The following SYNE2 variants were observed in gnomAD, a reference collection of about 807,000 sequenced individuals.
SYNE2 encodes the protein nesprin-2.
SYNE2 carries 431 observed loss-of-function variants against 856.3 expected under a neutral mutation model. The observed-to-expected ratio is 0.50, with a 90% CI of 0.47 to 0.55. The LOEUF is 0.55. Among genes scored for constraint, SYNE2 ranks in the 20% least tolerant of loss-of-function variants. The pLI is 0.00. For synonymous variants in SYNE2, 2,923 were observed against 2,872.3 expected (o/e 1.02, Z -0.56); for missense variants, 8,129 against 8,023.2 (o/e 1.01, Z -0.50).
intron 79 of SYNE2, among the ~76,000 whole-genome samples, chr14:64,138,936 G>GTGTGTGTA (rs1162982978): frequency 7.0e-6 from 1 of 142,890 alleles, no homozygotes; most frequent in African/African-American, 2.9e-5. Context: ...GTGTGTGTGT[G>GTGTGTGTA]TGTATGTATG....
At chr14:63,951,508 G>A (rs1181743290) in intron 7 of SYNE2, among the ~76,000 whole-genome samples, 1 of 152,066 alleles carries the variant, frequency 6.6e-6, no homozygotes. Flanking sequence ...CATCAGGTTG[G>A]CCCAGGCTGG....
In SYNE2 at chr14:64,218,417, C is replaced by T. The variant is rs997696708; in HGVS notation, c.19562C>T (p.Pro6521Leu). 3 of 1,614,050 alleles carry T rather than the reference C, an allele frequency of 1.9e-6. No homozygotes were observed. The highest frequency in any genetic ancestry group is 2.5e-6 in the Non-Finnish European group (3 of 1,179,996). ...KPPYGKLLLPPGTDGGKEGPR... is the reference protein window; with the variant it reads ...KPPYGKLLLPLGTDGGKEGPR... The stretch of plus-strand genomic sequence containing the variant: ...TTCTAGGGAAAGCTACTATTACCTC[C>T]AGGCACGGATGGTGGCAAAGAAGGC... Residue 6521 changes from proline to leucine, a missense_variant, in exon 109 of 116, where the codon CCA (proline) becomes CTA (leucine). Coordinates refer to ENST00000555002, the MANE Select transcript of SYNE2 (RefSeq NM_182914.3).
intron 1 of SYNE2, among the ~76,000 whole-genome samples, chr14:63,865,720 C>CCG (rs1342911063): frequency 4.3e-5 from 5 of 116,512 alleles, no homozygotes; most frequent in African/African-American, 1.4e-4. Context: ...ACCCACCCCC[C>CCG]CCCCAAAAAA....
At chr14:64,081,622 A>G (rs759246269) in intron 57 of SYNE2, 42 bp downstream of exon 57, 6 of 1,609,444 alleles carry the variant, frequency 3.7e-6, no homozygotes, top group Admixed American at 1.7e-5. Flanking sequence ...TAGCATCTAC[A>G]TAAAGATTCG....
chr14:64,089,065 T>C (rs1387156500), intron 58 of SYNE2, among the ~76,000 whole-genome samples: 1 of 152,132 alleles, frequency 6.6e-6, no homozygotes, highest in African/African-American at 2.4e-5. Context: ...CATTTTCTTA[T>C]AAAGTTTTGT....
chr14:64,177,280 A>C (rs2153733383), intron 95 of SYNE2, 78 bp from the exon 96 acceptor site: 1 of 1,553,392 alleles, frequency 6.4e-7, no homozygotes. Context: ...GATTATGTGG[A>C]TTAAATGAGC....
chr14:64,182,790 A>G (rs1024501445), intron 96 of SYNE2, among the ~76,000 whole-genome samples: 4 of 152,234 alleles, frequency 2.6e-5, no homozygotes, highest in Non-Finnish European at 5.9e-5. Context: ...ACTTCTTTCT[A>G]CACAGACACA....
intron 85 of SYNE2, among the ~76,000 whole-genome samples, chr14:64,154,792 C>CAAAAAAAAAAAA (rs34020154): frequency 1.1e-5 from 1 of 91,118 alleles, no homozygotes; most frequent in African/African-American, 4.1e-5. Flanking sequence ...GACCCTGTCT[C>CAAAAAAAAAAAA]AAAAAAAAAA....
chr14:64,038,624 G>C lies in SYNE2; in HGVS notation c.7221+7267G>C, dbSNP rs528929339. ...GGAGGCCGAGGCTGGTGGATCACTC[G>C]GCGGTTAGGAGCTGGAGACCAGCCC... On this transcript the variant is annotated intron_variant, in intron 45 of 115. Transcript: ENST00000555002. Among the ~76,000 whole-genome samples, 4 of 152,234 alleles carry C rather than the reference G, an allele frequency of 2.6e-5. No homozygotes were observed. The South Asian group carries it at 8.3e-4, about 31-fold the overall frequency.
At chr14:64,101,882 G>A (rs756616568) in intron 63 of SYNE2, 50 bp from the exon 64 acceptor site, 15 of 1,397,528 alleles carry the variant, frequency 1.1e-5, no homozygotes, top group Non-Finnish European at 1.5e-5. Flanking sequence ...CACCGGTTAT[G>A]ACAGTAAGGG....
chr14:63,932,006 G>A (rs533742809), intron 2 of SYNE2, among the ~76,000 whole-genome samples: 41 of 152,194 alleles, frequency 2.7e-4, no homozygotes, highest in Non-Finnish European at 5.3e-4. Flanking sequence ...CTTTGTAATA[G>A]TAATAAGCGG....
At position 64,149,142 on chromosome 14, in the gene SYNE2, C is replaced by CA. The variant is rs542725661; in HGVS notation, c.15639+2931dup. ...GGGCAACATAAGACCCAGTCTCTAC[C>CA]AAAAAAAAAAAAGTTATCTGGGCAT... On this transcript the variant is annotated intron_variant, in intron 84 of 115. Coordinates refer to ENST00000555002, the MANE Select transcript of SYNE2 (RefSeq NM_182914.3). Among the ~76,000 whole-genome samples, 526 of 140,430 alleles carry CA rather than the reference C, an allele frequency of 3.7e-3. 1 individual carries two copies. Among genetic ancestry groups the CA allele is most frequent in the East Asian group, 0.011 (55 of 4,924 alleles). The allele number at this position is 140,430 out of a possible 152,430, so 92.1% of individuals were successfully genotyped here.
chr14:64,003,380 A>G, intron 30 of SYNE2, 50 bp downstream of exon 30: 2 of 1,610,508 alleles, frequency 1.2e-6, no homozygotes, highest in Non-Finnish European at 1.7e-6. Context: ...ATCTTTCTGT[A>G]TTTTCACTTC....
chr14:64,195,229 A>G (rs1596140670), intron 99 of SYNE2, among the ~76,000 whole-genome samples: 1 of 152,300 alleles, frequency 6.6e-6, no homozygotes, highest in South Asian at 2.1e-4. Flanking sequence ...GAAAGTTTAC[A>G]TTGGTTTTTC....
intron 1 of SYNE2, among the ~76,000 whole-genome samples, chr14:63,779,491 A>C (rs1223403034): frequency 4.0e-5 from 6 of 150,942 alleles, no homozygotes; most frequent in African/African-American, 7.3e-5. Flanking sequence ...AAAACCTCAG[A>C]GCTAACCTCA....
intron 1 of SYNE2, among the ~76,000 whole-genome samples, chr14:63,880,486 G>T (rs2094833857): frequency 6.6e-6 from 1 of 151,304 alleles, no homozygotes; most frequent in Non-Finnish European, 1.5e-5. Flanking sequence ...AGAATTCTAT[G>T]TTAAGAAAAA....
intron 1 of SYNE2, among the ~76,000 whole-genome samples, chr14:63,855,583 C>T (rs187836848): frequency 2.9e-4 from 44 of 152,262 alleles, no homozygotes; most frequent in Admixed American, 2.2e-3. Context: ...GTTGATCTGA[C>T]CCCCTTCACT....
upstream of SYNE2, among the ~76,000 whole-genome samples, chr14:63,848,581 T>G (rs567020507): frequency 6.6e-6 from 1 of 152,332 alleles, no homozygotes; most frequent in Non-Finnish European, 1.5e-5. Context: ...ATGCATTTAT[T>G]TCTGTTAAAA....
intron 2 of SYNE2, among the ~76,000 whole-genome samples, chr14:63,922,767 A>G (rs1482528842): frequency 6.6e-6 from 1 of 152,212 alleles, no homozygotes; most frequent in Non-Finnish European, 1.5e-5. Flanking sequence ...TGTCCGATCT[A>G]TTTAGACAAG....
Sources: allele counts gnomAD v4.1 joint callset (sites outside exome capture counted in the v4.1 genomes callset), GRCh38; gene constraint gnomAD v4.1.1; transcripts MANE v1.5; gene names NCBI Gene and HGNC (gene_info 2026-07-23, HGNC 2026-07-21).